EYS: variants seen among roughly 807,000 people sequenced by gnomAD.
The protein encoded by EYS is EGF-like photoreceptor maintenance factor.
A neutral mutation model predicts 282.1 loss-of-function variants in EYS; 250 were observed. The ratio of observed to expected loss-of-function variants is 0.89; its 90% CI spans 0.80 to 0.98. EYS has a LOEUF of 0.98. Ranked by LOEUF, EYS falls within the 50% of genes least tolerant of loss-of-function variation. EYS has a pLI of 0.00. For missense variants in EYS, 4,016 were observed against 3,709.0 expected, an observed-to-expected ratio of 1.08 and a Z score of -2.15; for synonymous variants, 1,355 against 1,282.9, an observed-to-expected ratio of 1.06 and a Z score of -1.20.
intron 14 of EYS, among the ~76,000 whole-genome samples, chr6:64,956,222 A>G (rs1461577855): frequency 1.3e-5 from 2 of 152,234 alleles, no homozygotes; most frequent in Non-Finnish European, 2.9e-5. Flanking sequence ...ACCAAACAGC[A>G]TGTTGCTGGC....
chr6:64,307,021 C>A lies in EYS; in HGVS notation c.6140G>T (p.Arg2047Ile). ...CIEVIEINNW[R>I]SFIPSKAVKN... Reference sequence around the variant, plus strand: ...CACTGCCTTGGATGGAATGAAAGATCTCCAGTTATTTATTTCTATAACTTC... The same window carrying A: ...CACTGCCTTGGATGGAATGAAAGATATCCAGTTATTTATTTCTATAACTTC... The change falls in exon 30 of 43, where the codon AGA (arginine) becomes ATA (isoleucine). Residue 2047 changes from arginine (R) to isoleucine (I), a missense_variant. Transcript: ENST00000503581. The A allele has an allele frequency of 6.5e-7, 1 of 1,546,486 alleles. No homozygotes were observed.
At chr6:65,376,648 T>G (rs116247323) in intron 8 of EYS, among the ~76,000 whole-genome samples, 3 of 152,040 alleles carry the variant, frequency 2.0e-5, no homozygotes, top group Non-Finnish European at 4.4e-5. Context: ...CGCAAAGACA[T>G]GTATAGGCTC....
chr6:65,658,576 G>C (rs1205620497), intron 1 of EYS, among the ~76,000 whole-genome samples: 1 of 151,712 alleles, frequency 6.6e-6, no homozygotes, highest in Non-Finnish European at 1.5e-5. Context: ...TAACATGATT[G>C]TATTTTGAGT....
chr6:64,058,970 A>T (rs913341104), intron 33 of EYS, among the ~76,000 whole-genome samples: 2 of 152,128 alleles, frequency 1.3e-5, no homozygotes, highest in African/African-American at 4.8e-5. Flanking sequence ...CTTGCCTTTT[A>T]TTTTTATTTG....
intron 19 of EYS, among the ~76,000 whole-genome samples, chr6:64,834,770 A>T (rs1237773998): frequency 6.6e-6 from 1 of 151,830 alleles, no homozygotes; most frequent in Non-Finnish European, 1.5e-5. Context: ...GTGAAATAAA[A>T]TGTTAAGTGA....
intron 31 of EYS, among the ~76,000 whole-genome samples, chr6:64,192,573 A>G (rs1013218544): frequency 1.3e-5 from 2 of 152,136 alleles, no homozygotes; most frequent in African/African-American, 4.8e-5. Flanking sequence ...AAAAACAAGC[A>G]ATGGGGAAAG....
chr6:64,159,036 GTA>G (rs796124323), intron 31 of EYS, among the ~76,000 whole-genome samples: 6 of 152,244 alleles, frequency 3.9e-5, no homozygotes, highest in African/African-American at 1.4e-4. Flanking sequence ...AAATGCAGTA[GTA>G]TATACAGTTG....
At chr6:65,596,733 T>C (rs1481213063) in intron 2 of EYS, among the ~76,000 whole-genome samples, 1 of 152,088 alleles carries the variant, frequency 6.6e-6, no homozygotes, top group African/African-American at 2.4e-5. Flanking sequence ...GAATGGTACA[T>C]CATTTTCTTA....
intron 26 of EYS, among the ~76,000 whole-genome samples, chr6:64,568,216 C>T (rs531713138): frequency 1.1e-4 from 17 of 152,088 alleles, no homozygotes; most frequent in Admixed American, 8.5e-4. Flanking sequence ...AAAGAACAGA[C>T]CCAACAGAAA....
In EYS at chr6:64,016,555, A is replaced by G. The variant is rs1768902369; in HGVS notation, c.6726-17372T>C. Among the ~76,000 whole-genome samples the G allele has an allele frequency of 2.0e-5, 3 of 147,778 alleles. No homozygotes were observed. The South Asian group carries it at 6.4e-4, about 31-fold the overall frequency. On this transcript the variant is annotated intron_variant, in intron 33 of 42. Transcript: ENST00000503581. ...CCCAGGCTGGAGTGCAGCTCACTGT[A>G]GCCTCAATCTCCTGATCACATGCAA...
At chr6:64,393,152 C>A (rs1166889085) in intron 28 of EYS, among the ~76,000 whole-genome samples, 2 of 152,028 alleles carry the variant, frequency 1.3e-5, no homozygotes, top group Admixed American at 6.5e-5. Flanking sequence ...GCTTACCAAC[C>A]AAAAAGAGTC....
intron 30 of EYS, among the ~76,000 whole-genome samples, chr6:64,268,914 C>T (rs1767851891): frequency 2.0e-5 from 3 of 152,104 alleles, no homozygotes; most frequent in Admixed American, 6.6e-5. Context: ...GCAGGGGATA[C>T]CGCAGGCATT....
At chr6:65,003,206 C>T (rs1208912133) in intron 13 of EYS, among the ~76,000 whole-genome samples, 1 of 147,378 alleles carries the variant, frequency 6.8e-6, no homozygotes, top group Non-Finnish European at 1.5e-5. Context: ...CAAGGAACAT[C>T]CCTGAGAAAG....
intron 12 of EYS, among the ~76,000 whole-genome samples, chr6:65,079,890 AT>A (rs1054399099): frequency 3.9e-5 from 6 of 152,214 alleles, no homozygotes; most frequent in South Asian, 2.1e-4. Flanking sequence ...AGAAAATTTG[AT>A]GGGGCTTGAA....
chr6:65,094,717 G>A (rs1252867738), intron 12 of EYS, among the ~76,000 whole-genome samples: 3 of 151,044 alleles, frequency 2.0e-5, no homozygotes, highest in Non-Finnish European at 4.5e-5. Flanking sequence ...CTTAAGGCAT[G>A]CAGCAAAAGC....
intron 34 of EYS, among the ~76,000 whole-genome samples, chr6:63,997,983 A>G (rs911155625): frequency 3.9e-5 from 6 of 152,108 alleles, no homozygotes; most frequent in Non-Finnish European, 7.4e-5. Flanking sequence ...CTTAAATCTA[A>G]ATAAGTGGCC....
intron 30 of EYS, among the ~76,000 whole-genome samples, chr6:64,269,947 AT>A (rs1319408604): frequency 2.6e-5 from 4 of 151,364 alleles, no homozygotes; most frequent in African/African-American, 9.8e-5. Flanking sequence ...AAGCTCTGTT[AT>A]AATTCTTTAC....
intron 19 of EYS, among the ~76,000 whole-genome samples, chr6:64,827,320 A>G (rs1053941190): frequency 6.6e-6 from 1 of 151,710 alleles, no homozygotes; most frequent in African/African-American, 2.4e-5. Context: ...GATATCTCCC[A>G]TTGCATATCA....
intron 12 of EYS, among the ~76,000 whole-genome samples, chr6:65,162,644 A>G (rs1484535756): frequency 6.9e-6 from 1 of 143,994 alleles, no homozygotes; most frequent in Non-Finnish European, 1.5e-5. Flanking sequence ...AAACTATTAC[A>G]TAAATATATT....
Sources: gnomAD v4.1 joint callset for allele counts (sites outside exome capture counted in the v4.1 genomes callset) on GRCh38, gnomAD v4.1.1 for gene constraint, MANE v1.5 for transcripts, NCBI Gene and HGNC (gene_info 2026-07-23, HGNC 2026-07-21) for gene names.